Variants in PATJ observed in about 807,000 individuals in gnomAD.
The protein encoded by PATJ is PATJ crumbs cell polarity complex component, also known as inaD-like protein.
A neutral mutation model predicts 224.9 loss-of-function variants in PATJ; 190 were observed. That is an observed-to-expected ratio of 0.84 (90% CI 0.75 to 0.95). PATJ has a LOEUF of 0.95. Ranked by LOEUF, PATJ falls within the 40% of genes least tolerant of loss-of-function variation. The pLI is 0.00. For missense variants in PATJ, 2,121 were observed against 2,270.3 expected (o/e 0.93, Z 1.34); for synonymous variants, 769 against 820.3 (o/e 0.94, Z 1.07).
chr1:62,038,736 C>A, intron 30 of PATJ: 1 of 401,538 alleles, frequency 2.5e-6, no homozygotes, highest in East Asian at 5.3e-5. Flanking sequence ...ACATAAATAG[C>A]TATATATAGT....
chr1:62,139,567 A>G (rs1484899550), intron 41 of PATJ, among the ~76,000 whole-genome samples: 3 of 152,052 alleles, frequency 2.0e-5, no homozygotes, highest in Admixed American at 1.3e-4. Flanking sequence ...CTCACAGACC[A>G]TATCTCAGAG....
At chr1:62,129,974 G>T (rs1666098094) in intron 41 of PATJ, among the ~76,000 whole-genome samples, 1 of 152,048 alleles carries the variant, frequency 6.6e-6, no homozygotes, top group Non-Finnish European at 1.5e-5. Flanking sequence ...TAGGTATAAA[G>T]AATAAAGCCC....
At chr1:62,135,342 A>AC (rs200056282) in intron 41 of PATJ, among the ~76,000 whole-genome samples, 5,288 of 151,540 alleles carry the variant, frequency 0.035, 109 homozygotes, top group Non-Finnish European at 0.047. Context: ...ACGTGGTGAA[A>AC]CCCCCTCTAC....
chr1:61,877,002 C>G (rs1259082976), intron 21 of PATJ, among the ~76,000 whole-genome samples: 3 of 152,164 alleles, frequency 2.0e-5, no homozygotes, highest in African/African-American at 2.4e-5. Flanking sequence ...AGATTTCAGA[C>G]AGAAGGCAGT....
chr1:62,031,423 T>G (rs758369747), intron 29 of PATJ, among the ~76,000 whole-genome samples: 2 of 152,186 alleles, frequency 1.3e-5, no homozygotes, highest in Admixed American at 6.5e-5. Context: ...TCATTATATC[T>G]CTATAAGGGA....
intron 14 of PATJ, among the ~76,000 whole-genome samples, chr1:61,818,071 A>G (rs982485934): frequency 2.6e-5 from 4 of 152,120 alleles, no homozygotes; most frequent in African/African-American, 9.7e-5. Context: ...CCGCTTAAGC[A>G]TTTTGATATC....
intron 17 of PATJ, 130 bp from the exon 18 acceptor site, chr1:61,855,900 A>T (rs1240647283): frequency 1.6e-5 from 11 of 668,486 alleles, no homozygotes; most frequent in Non-Finnish European, 2.7e-6. Flanking sequence ...TGTTTAGAAG[A>T]TTATCACCAG....
intron 33 of PATJ, among the ~76,000 whole-genome samples, chr1:62,105,438 G>A (rs1662784155): frequency 6.6e-6 from 1 of 152,064 alleles, no homozygotes; most frequent in Non-Finnish European, 1.5e-5. Flanking sequence ...ATCATTACAG[G>A]GTGCTACCAG....
At chr1:62,118,008 T>A (rs931975654) in intron 37 of PATJ, among the ~76,000 whole-genome samples, 1 of 152,182 alleles carries the variant, frequency 6.6e-6, no homozygotes, top group African/African-American at 2.4e-5. Flanking sequence ...CAGAAGGTGC[T>A]CTGATCTTAC....
At chr1:61,883,841 G>A (rs1668431685) in intron 21 of PATJ, among the ~76,000 whole-genome samples, 1 of 122,614 alleles carries the variant, frequency 8.2e-6, no homozygotes. Context: ...ATTTAATATG[G>A]TTTATTTGTT....
At chr1:61,748,980 A>AT (rs918564981) in intron 1 of PATJ, among the ~76,000 whole-genome samples, 39 of 149,824 alleles carry the variant, frequency 2.6e-4, no homozygotes, top group African/African-American at 7.9e-4. Context: ...ATATGAAGTA[A>AT]TTTTTTTTTT....
chr1:61,857,676 G>A (rs1022670391), intron 18 of PATJ, among the ~76,000 whole-genome samples: 1 of 152,200 alleles, frequency 6.6e-6, no homozygotes, highest in Non-Finnish European at 1.5e-5. Context: ...CACCTGAGAG[G>A]TAGTTAAAAT....
At chr1:61,904,209 T>C (rs1377406239) in intron 24 of PATJ, among the ~76,000 whole-genome samples, 1 of 152,252 alleles carries the variant, frequency 6.6e-6, no homozygotes, top group Non-Finnish European at 1.5e-5. Flanking sequence ...ACGAATTCAC[T>C]TTTTACTTTG....
rs551856766 is a variant in PATJ, at chr1:61,913,208, A to T, written c.3493-1379A>T. Among the ~76,000 whole-genome samples the T allele has an allele frequency of 7.4e-4, 112 of 151,920 alleles. 1 individual carries two copies. In the South Asian group the frequency reaches 0.022, roughly 29 times the overall value. On this transcript the variant is annotated intron_variant, in intron 25 of 43. Transcript: ENST00000642238. ...CAGTCTTTTAATTTCCTGAGCAAGG[A>T]GTTTTTTTTTGTCTTTTTCTTTTTA...
chr1:61,901,190 A>G, intron 23 of PATJ, 92 bp from the exon 24 acceptor site: 1 of 621,742 alleles, frequency 1.6e-6, no homozygotes, highest in South Asian at 5.0e-5. Context: ...TATATAAAAT[A>G]TGAGTCACAA....
intron 27 of PATJ, among the ~76,000 whole-genome samples, chr1:61,948,876 A>G (rs111751256): frequency 1.3e-5 from 2 of 152,188 alleles, no homozygotes; most frequent in African/African-American, 2.4e-5. Flanking sequence ...ATGGAATACT[A>G]TGCAGCCATA....
chr1:61,764,506 T>G (rs1052398421), intron 3 of PATJ, among the ~76,000 whole-genome samples: 6 of 151,952 alleles, frequency 3.9e-5, no homozygotes, highest in Non-Finnish European at 7.4e-5. Context: ...GGGTCAGGGA[T>G]GGCAAATTAC....
At chr1:62,062,138 T>C (rs1655578518) in intron 31 of PATJ, among the ~76,000 whole-genome samples, 1 of 152,242 alleles carries the variant, frequency 6.6e-6, no homozygotes, top group Non-Finnish European at 1.5e-5. Context: ...ATGATACTTC[T>C]ATTTTTAGTT....
chr1:61,971,749 T>C (rs1224335053), intron 27 of PATJ, among the ~76,000 whole-genome samples: 1 of 152,036 alleles, frequency 6.6e-6, no homozygotes, highest in Non-Finnish European at 1.5e-5. Flanking sequence ...ATCCCAACAC[T>C]TTGGGAGGCC....
Sources: allele counts gnomAD v4.1 joint callset (sites outside exome capture counted in the v4.1 genomes callset), GRCh38; gene constraint gnomAD v4.1.1; transcripts MANE v1.5; gene names NCBI Gene and HGNC (gene_info 2026-07-23, HGNC 2026-07-21).